SLC9A2: variants seen among roughly 807,000 people sequenced by gnomAD.
SLC9A2 encodes the protein solute carrier family 9 member A2, also known as sodium/hydrogen exchanger 2.
SLC9A2 carries 42 observed loss-of-function variants against 71.7 expected under a neutral mutation model. That is an observed-to-expected ratio of 0.59 (90% CI 0.46 to 0.76). SLC9A2 has a LOEUF of 0.76. Ranked by LOEUF, SLC9A2 falls within the 30% of genes least tolerant of loss-of-function variation. The pLI, the probability that SLC9A2 is intolerant of heterozygous loss-of-function variation, is 0.00. For missense variants in SLC9A2, 829 were observed against 1,017.4 expected (o/e 0.81, Z 2.52); for synonymous variants, 396 against 392.5 (o/e 1.01, Z -0.10).
chr2:102,672,456 A>T (rs1677271287), intron 3 of SLC9A2, among the ~76,000 whole-genome samples: 1 of 152,192 alleles, frequency 6.6e-6, no homozygotes, highest in Admixed American at 6.5e-5. Context: ...AAAAAAAAAT[A>T]AGTCATGAAA....
chr2:102,663,119 G>C (rs780158766), intron 2 of SLC9A2, among the ~76,000 whole-genome samples: 259 of 152,240 alleles, frequency 1.7e-3, no homozygotes, highest in Non-Finnish European at 3.1e-3. Context: ...GAAAACCGAT[G>C]CTGACAGCAG....
chr2:102,655,701 T>C (rs1676926556), intron 1 of SLC9A2, among the ~76,000 whole-genome samples: 1 of 152,208 alleles, frequency 6.6e-6, no homozygotes, highest in South Asian at 2.1e-4. Flanking sequence ...CTTTCTATAA[T>C]TCAGATAAAT....
In SLC9A2 at chr2:102,683,287, A is replaced by T; in HGVS notation, c.1031A>T (p.Asn344Ile). Residue 344 changes from asparagine (N) to isoleucine (I), a missense_variant, in exon 4 of 12, where the codon AAT becomes ATT. Physicochemically the swap from Asn to Ile is moderately radical, Grantham distance 149. This residue lies in a region of SLC9A2 where 500 missense variants were observed against 726.3 expected (regional missense o/e 0.69). Coordinates refer to ENST00000233969, the MANE Select transcript of SLC9A2 (RefSeq NM_003048.6). Reference protein sequence around the residue: ...MAITACAMTMNKYVEENVSQK... With the variant: ...MAITACAMTMIKYVEENVSQK... Reference sequence around the variant, plus strand: ...ATCACTGCTTGTGCAATGACTATGAATAAGTACGTAGAAGAAAATGTATCT... The same window carrying T: ...ATCACTGCTTGTGCAATGACTATGATTAAGTACGTAGAAGAAAATGTATCT... 1 of 1,613,564 alleles carries T rather than the reference A, an allele frequency of 6.2e-7. No individual in the cohort carries two copies. Among genetic ancestry groups the T allele is most frequent in the South Asian group, 1.1e-5 (1 of 91,064 alleles).
intron 10 of SLC9A2, among the ~76,000 whole-genome samples, chr2:102,705,016 A>C (rs1222971881): frequency 6.6e-6 from 1 of 152,142 alleles, no homozygotes; most frequent in Non-Finnish European, 1.5e-5. Flanking sequence ...AGCCTGGGCA[A>C]CACGGTGAAA....
At chr2:102,688,259 T>C (rs1188307952) in intron 5 of SLC9A2, among the ~76,000 whole-genome samples, 3 of 152,168 alleles carry the variant, frequency 2.0e-5, no homozygotes, top group Admixed American at 2.0e-4. Context: ...AGAGTAAGAC[T>C]ATTGTGGGTT....
At position 102,683,296 on chromosome 2, in the gene SLC9A2, T is replaced by C. The variant is rs1473181712; in HGVS notation, c.1040T>C (p.Val347Ala). ...TACAMTMNKY[V>A]EENVSQKSYT... is the part of the protein sequence containing the mutation. Reference sequence around the variant, plus strand: ...TGTGCAATGACTATGAATAAGTACGTAGAAGAAAATGTATCTCAGAAATCC... The same window carrying C: ...TGTGCAATGACTATGAATAAGTACGCAGAAGAAAATGTATCTCAGAAATCC... Residue 347 changes from valine to alanine, a missense_variant, in exon 4 of 12, where the codon GTA becomes GCA. Physicochemically the swap from Val to Ala is moderately conservative, Grantham distance 64. Transcript: ENST00000233969. 1 of 1,613,838 alleles carries C rather than the reference T, an allele frequency of 6.2e-7. No individual in the cohort carries two copies. The highest frequency in any genetic ancestry group is 1.3e-5 in the African/African-American group (1 of 75,020).
intron 5 of SLC9A2, among the ~76,000 whole-genome samples, chr2:102,691,070 T>C (rs1677652559): frequency 6.6e-6 from 1 of 151,790 alleles, no homozygotes; most frequent in Admixed American, 6.6e-5. Flanking sequence ...AAATGGGAGC[T>C]GGGGGATGCC....
At chr2:102,664,952 CAAAT>C (rs2104525389) in intron 2 of SLC9A2, 144 bp from the exon 3 acceptor site, 2 of 815,534 alleles carry the variant, frequency 2.5e-6, no homozygotes, top group Non-Finnish European at 3.9e-6. Flanking sequence ...AAATATGAGA[CAAAT>C]GAATACACAA....
At chr2:102,641,337 T>C (rs965498315) in intron 1 of SLC9A2, among the ~76,000 whole-genome samples, 1 of 152,124 alleles carries the variant, frequency 6.6e-6, no homozygotes, top group African/African-American at 2.4e-5. Context: ...TGGGTGTTAC[T>C]TCCCATGGCC....
intron 1 of SLC9A2, among the ~76,000 whole-genome samples, chr2:102,625,899 G>T (rs892430244): frequency 7.2e-5 from 11 of 152,178 alleles, no homozygotes; most frequent in African/African-American, 2.7e-4. Flanking sequence ...TTGCCACACT[G>T]TCTTCCACAA....
chr2:102,646,351 C>A (rs545520889), intron 1 of SLC9A2, among the ~76,000 whole-genome samples: 1 of 152,032 alleles, frequency 6.6e-6, no homozygotes, highest in African/African-American at 2.4e-5. Flanking sequence ...CAAAAACATA[C>A]CAAAATAAAA....
chr2:102,687,770 T>A (rs1203933015), intron 5 of SLC9A2, among the ~76,000 whole-genome samples: 1 of 151,712 alleles, frequency 6.6e-6, no homozygotes, highest in Non-Finnish European at 1.5e-5. Context: ...CAGAATATGG[T>A]GCTGTTTGGG....
At chr2:102,670,599 CAA>C (rs66543071) in intron 3 of SLC9A2, among the ~76,000 whole-genome samples, 5,623 of 80,148 alleles carry the variant, frequency 0.07, 99 homozygotes, top group East Asian at 0.14. Context: ...CTCCCCCCAC[CAA>C]AAAAAAAAAA....
Position 102,708,222 on chromosome 2 carries a change from C to G in SLC9A2, c.2172C>G (p.Pro724=). 3.1e-6 allele frequency: 5 copies of G among 1,614,164 alleles called. No individual in the cohort carries two copies. Among genetic ancestry groups the G allele is most frequent in the Non-Finnish European group, 4.2e-6 (5 of 1,180,036 alleles). The change falls in exon 12 of 12, where the codon CCC becomes CCG. Residue 724 remains proline, a synonymous_variant. Coordinates refer to ENST00000233969, the MANE Select transcript of SLC9A2 (RefSeq NM_003048.6). ...FLPEQFSKKS[P]QSYKMEWKNE... ...CAGAACAGTTCTCCAAGAAATCCCC[C>G]CAGTCCTATAAAATGGAATGGAAGA...
intron 1 of SLC9A2, among the ~76,000 whole-genome samples, chr2:102,624,718 C>T (rs141087366): frequency 6.6e-6 from 1 of 152,266 alleles, no homozygotes; most frequent in African/African-American, 2.4e-5. Flanking sequence ...ATTTTCTCTG[C>T]CCCTAAGTTG....
Position 102,708,259 on chromosome 2 carries a change from G to A in SLC9A2, c.2209G>A (p.Val737Ile). The A allele has an allele frequency of 1.2e-6, 2 of 1,614,188 alleles. No individual in the cohort carries two copies. Among genetic ancestry groups the A allele is most frequent in the South Asian group, 2.2e-5 (2 of 91,084 alleles). The change falls in exon 12 of 12, where the codon GTT becomes ATT. Residue 737 changes from valine to isoleucine, a missense_variant. Transcript: ENST00000233969. ...YKMEWKNEVD[V>I]DSGRDMPSTP... The stretch of plus-strand genomic sequence containing the variant: ...AATGGAATGGAAGAATGAGGTAGAT[G>A]TTGATTCTGGCCGAGATATGCCCAG...
chr2:102,702,624 T>C (rs564320602), intron 9 of SLC9A2, 122 bp downstream of exon 9: 3 of 621,770 alleles, frequency 4.8e-6, no homozygotes, highest in Middle Eastern at 2.7e-4. Context: ...ATGCTGGGCA[T>C]CTTCTCTCCT....
At chr2:102,623,162 A>G (rs1181345359) in intron 1 of SLC9A2, among the ~76,000 whole-genome samples, 1 of 151,978 alleles carries the variant, frequency 6.6e-6, no homozygotes, top group Non-Finnish European at 1.5e-5. Flanking sequence ...ATCATCACAT[A>G]TTGCACCTCC....
intron 8 of SLC9A2, among the ~76,000 whole-genome samples, chr2:102,701,549 T>G (rs1677875300): frequency 6.6e-6 from 1 of 152,210 alleles, no homozygotes; most frequent in Admixed American, 6.5e-5. Flanking sequence ...TCATTAACAT[T>G]GAATTGATGG....
Sources: gnomAD v4.1 joint callset for allele counts (sites outside exome capture counted in the v4.1 genomes callset) on GRCh38, gnomAD v4.1.1 for gene constraint, gnomAD v4.1.1 regional missense constraint, MANE v1.5 for transcripts, NCBI Gene and HGNC (gene_info 2026-07-23, HGNC 2026-07-21) for gene names.